The following LRRC9 variants were observed in gnomAD, a reference collection of about 807,000 sequenced individuals.
LRRC9 encodes leucine-rich repeat-containing protein 9.
In LRRC9, 122 loss-of-function variants were observed where a neutral mutation model predicts 63.2. That is an observed-to-expected ratio of 1.93 (90% confidence interval 1.67 to 2.24). The LOEUF (loss-of-function observed/expected upper bound fraction) is 2.24. Among genes scored for constraint, LRRC9 ranks in the 30% most tolerant of loss-of-function variants. The pLI is 0.00. For synonymous variants in LRRC9, 366 were observed against 213.1 expected, an observed-to-expected ratio of 1.72 and a Z score of -6.25; for missense variants, 1,071 against 627.7, an observed-to-expected ratio of 1.71 and a Z score of -7.55.
At chr14:59,974,195 T>A (rs909713857) in intron 12 of LRRC9, among the ~76,000 whole-genome samples, 1 of 152,120 alleles carries the variant, frequency 6.6e-6, no homozygotes, top group Non-Finnish European at 1.5e-5. Context: ...AAAATTATAG[T>A]ATAAACAAGA....
At chr14:60,049,449 G>A (rs1265100151) in intron 29 of LRRC9, among the ~76,000 whole-genome samples, 1 of 152,184 alleles carries the variant, frequency 6.6e-6, no homozygotes, top group African/African-American at 2.4e-5. Flanking sequence ...AGGCAGGCCT[G>A]GTGGTGACAA....
chr14:59,979,522 G>C (rs1201884827), intron 15 of LRRC9, among the ~76,000 whole-genome samples: 1 of 152,070 alleles, frequency 6.6e-6, no homozygotes, highest in Non-Finnish European at 1.5e-5. Context: ...TGAGGCAGGA[G>C]AATGGCGTGA....
intron 1 of LRRC9, among the ~76,000 whole-genome samples, chr14:59,925,259 G>A (rs1290116820): frequency 1.3e-5 from 2 of 152,050 alleles, no homozygotes; most frequent in East Asian, 1.9e-4. Flanking sequence ...CCTGAAAATG[G>A]GCAATTTAAA....
At chr14:60,062,120 A>C in intron 31 of LRRC9, 1 of 398,848 alleles carries the variant, frequency 2.5e-6, no homozygotes, top group Non-Finnish European at 4.4e-6. Flanking sequence ...CTCTTTTATC[A>C]CATCAGAATA....
At chr14:59,997,557 C>A in intron 17 of LRRC9, 99 bp from the exon 18 acceptor site, 1 of 569,526 alleles carries the variant, frequency 1.8e-6, no homozygotes. Context: ...GTGAGGATTA[C>A]CAGGAAGTGT....
At position 59,936,298 on chromosome 14, in the gene LRRC9, T is replaced by G. The variant is rs1043522569; in HGVS notation, c.544-2092T>G. ...GGCATTATGACTATCATAAAAACAT[T>G]GAACGTGATTCACAGGAAGTTTTAC... On this transcript the variant is annotated intron_variant, in intron 6 of 31. Transcript: ENST00000445360. This position sits in a 1 kb window ranked among gnomAD's most constrained non-coding sequence, Gnocchi z 4.2. 6.6e-6 allele frequency among the ~76,000 whole-genome samples: 1 copy of G among 152,200 alleles called. No homozygotes were observed. Among genetic ancestry groups the G allele is most frequent in the African/African-American group, 2.4e-5 (1 of 41,458 alleles).
At chr14:59,949,009 T>C (rs1354836255) in intron 8 of LRRC9, among the ~76,000 whole-genome samples, 1 of 101,934 alleles carries the variant, frequency 9.8e-6, no homozygotes, top group African/African-American at 4.0e-5. Flanking sequence ...GGTATCAGAA[T>C]GATGCTGGCC....
In LRRC9 at chr14:59,990,263, C is replaced by T. The variant is rs1418921982; in HGVS notation, c.2211+5039C>T. Among the ~76,000 whole-genome samples the T allele has an allele frequency of 6.6e-6, 1 of 152,070 alleles. No individual in the cohort carries two copies. Among genetic ancestry groups the T allele is most frequent in the African/African-American group, 2.4e-5 (1 of 41,400 alleles). ...TTTTATTCACCTCTCGTGTCCTTAT[C>T]CTGTTTCATTTTGAGTTTAGCCCCA... On this transcript the variant is annotated intron_variant, in intron 17 of 31. Coordinates refer to ENST00000445360, the Ensembl canonical transcript of LRRC9. This position sits in a 1 kb window ranked among gnomAD's most constrained non-coding sequence, Gnocchi z 4.2.
chr14:59,993,882 C>T (rs1433937200), intron 17 of LRRC9, among the ~76,000 whole-genome samples: 4 of 152,316 alleles, frequency 2.6e-5, no homozygotes, highest in African/African-American at 9.6e-5. Context: ...TAACACCCCA[C>T]TGTCAACATT....
At chr14:59,975,140 CATATATATATGTATATATATATATGTAT>C (rs1228817394) in intron 13 of LRRC9, among the ~76,000 whole-genome samples, 1 of 13,506 alleles carries the variant, frequency 7.4e-5, no homozygotes, top group Non-Finnish European at 3.2e-4. Context: ...TATATATATA[CATATATATATGTATATATATATATGTAT>C]ATATATATAC....
At chr14:59,960,191 A>C (rs1234493985) in intron 9 of LRRC9, among the ~76,000 whole-genome samples, 177 bp downstream of exon 9, 1 of 152,326 alleles carries the variant, frequency 6.6e-6, no homozygotes, top group Admixed American at 6.5e-5. Context: ...CATGGGATAA[A>C]AGCTGGCTTA....
rs146723085 is a variant in LRRC9, at chr14:60,031,007, A to G, written c.3922-988A>G. On this transcript the variant is annotated intron_variant, in intron 28 of 31. Transcript: ENST00000445360. The surrounding 1 kb of genome is among the most constrained non-coding windows in gnomAD (Gnocchi z 4.6). ...TGAAAAACAGACATTTTGATTAGGAATATTTCACTAGTGACTACTGTTGTG... is the reference window on the plus strand; with the variant it reads ...TGAAAAACAGACATTTTGATTAGGAGTATTTCACTAGTGACTACTGTTGTG... 2.0e-5 allele frequency among the ~76,000 whole-genome samples: 3 copies of G among 152,086 alleles called. No individual in the cohort carries two copies. Among genetic ancestry groups the G allele is most frequent in the African/African-American group, 7.2e-5 (3 of 41,454 alleles).
In LRRC9 at chr14:59,958,313, CTGT is replaced by C. The variant is rs909321527; in HGVS notation, c.883-1503_883-1501del. 6.6e-6 allele frequency among the ~76,000 whole-genome samples: 1 copy of C among 152,200 alleles called. No individual in the cohort carries two copies. Among genetic ancestry groups the C allele is most frequent in the Non-Finnish European group, 1.5e-5 (1 of 68,032 alleles). ...TTTGTGTGTAAACCCCTTACTGGGG[CTGT>C]TACCTTTCCTTGAGAGATGCCCTGC... On this transcript the variant is annotated intron_variant, in intron 8 of 31. Transcript: ENST00000445360. This position sits in a 1 kb window ranked among gnomAD's most constrained non-coding sequence, Gnocchi z 4.0.
At chr14:59,989,140 G>A (rs903777263) in intron 17 of LRRC9, among the ~76,000 whole-genome samples, 1 of 151,542 alleles carries the variant, frequency 6.6e-6, no homozygotes, top group Non-Finnish European at 1.5e-5. Flanking sequence ...GGTTGTTCTG[G>A]GTTGTTTTTT....
intron 30 of LRRC9, 173 bp from the exon 31 acceptor site, chr14:60,057,705 A>G: frequency 2.4e-6 from 1 of 412,278 alleles, no homozygotes. Flanking sequence ...ACTCCCCAAA[A>G]AGCTCTGCTG....
At chr14:59,939,090 T>TAC (rs1190852006) in intron 7 of LRRC9, among the ~76,000 whole-genome samples, 1 of 146,890 alleles carries the variant, frequency 6.8e-6, no homozygotes, top group South Asian at 2.1e-4. Context: ...TACACATATA[T>TAC]ACATATATAT....
At chr14:60,055,064 T>TA (rs1894173326) in intron 30 of LRRC9, among the ~76,000 whole-genome samples, 1 of 152,222 alleles carries the variant, frequency 6.6e-6, no homozygotes, top group Admixed American at 6.5e-5. Context: ...CCGGCCCCCT[T>TA]ACTTTTTTAT....
At chr14:60,045,778 G>C (rs1893370573) in intron 29 of LRRC9, among the ~76,000 whole-genome samples, 1 of 151,974 alleles carries the variant, frequency 6.6e-6, no homozygotes, top group East Asian at 1.9e-4. Flanking sequence ...ATATTCCTTG[G>C]GGTATACATC....
At position 60,003,763 on chromosome 14, in the gene LRRC9, T is replaced by A. The variant is rs1339340187; in HGVS notation, c.2807T>A (p.Leu936His). ...GAATCCTGTATTAACTTGGAAGAGC[T>A]CACATTAGATGGAAACTGCATCTCA... Residue 936 changes from leucine (L) to histidine (H), a missense_variant, in exon 21 of 32, where the codon CTC (leucine) becomes CAC (histidine). Leu to His is a moderately conservative substitution (Grantham distance 99). Coordinates refer to ENST00000445360, the Ensembl canonical transcript of LRRC9. The surrounding 1 kb of genome is among the most constrained non-coding windows in gnomAD (Gnocchi z 4.2). 3.0e-6 allele frequency: 2 copies of A among 656,198 alleles called. No individual in the cohort carries two copies. Among genetic ancestry groups the A allele is most frequent in the South Asian group, 3.5e-5 (2 of 57,558 alleles). The allele number at this position is 656,198 out of a possible 1,614,324, so 40.6% of individuals were successfully genotyped here. A position where few individuals can be genotyped will look rare whatever the true frequency, so the allele number is the denominator to read the frequency against.
Sources: allele counts gnomAD v4.1 joint callset (sites outside exome capture counted in the v4.1 genomes callset), GRCh38; gene constraint gnomAD v4.1.1; non-coding constraint Gnocchi (gnomAD v3.1); transcripts MANE v1.5; gene names NCBI Gene and HGNC (gene_info 2026-07-23, HGNC 2026-07-21).